The following AKAP19 variants were observed in gnomAD, a reference collection of about 807,000 sequenced individuals.
AKAP19 encodes the protein small A-kinase anchoring protein.
the AKAP19 span, among the ~76,000 whole-genome samples, chr2:189,996,101 C>T: frequency 2.0e-5 from 3 of 152,190 alleles, no homozygotes; most frequent in East Asian, 1.9e-4. Flanking sequence ...ACTGAATTTC[C>T]GAGATGTTCT....
chr2:189,898,754 T>C, the AKAP19 span, among the ~76,000 whole-genome samples: 2 of 152,180 alleles, frequency 1.3e-5, no homozygotes, highest in Non-Finnish European at 2.9e-5. Context: ...TCTAATCACT[T>C]CTGGCCTCAG....
At chr2:190,092,279 T>C in the AKAP19 span, among the ~76,000 whole-genome samples, 1 of 152,198 alleles carries the variant, frequency 6.6e-6, no homozygotes, top group African/African-American at 2.4e-5. Flanking sequence ...GTTTATTGAT[T>C]GTTCCTTGTG....
chr2:190,032,156 T>G, the AKAP19 span, among the ~76,000 whole-genome samples: 1 of 152,172 alleles, frequency 6.6e-6, no homozygotes, highest in South Asian at 2.1e-4. Flanking sequence ...GTTAAGGAGG[T>G]CTTAAAAAGT....
At chr2:190,071,486 A>G in the AKAP19 span, among the ~76,000 whole-genome samples, 1 of 152,218 alleles carries the variant, frequency 6.6e-6, no homozygotes, top group Non-Finnish European at 1.5e-5. Context: ...GCCAAGGAGC[A>G]ATAGGCTATA....
At chr2:190,137,442 A>G in the AKAP19 span, among the ~76,000 whole-genome samples, 1 of 152,210 alleles carries the variant, frequency 6.6e-6, no homozygotes, top group Non-Finnish European at 1.5e-5. Flanking sequence ...TGGTCCCTGG[A>G]TAACATTTAT....
chr2:190,147,766 G>A, the AKAP19 span, among the ~76,000 whole-genome samples: 3 of 150,862 alleles, frequency 2.0e-5, no homozygotes, highest in Non-Finnish European at 4.4e-5. Flanking sequence ...GTTGTTGTTG[G>A]AGCTATTGTA....
chr2:190,061,760 CAG>C, the AKAP19 span, among the ~76,000 whole-genome samples: 5 of 150,796 alleles, frequency 3.3e-5, no homozygotes, highest in African/African-American at 1.2e-4. Context: ...TTTCAAATAA[CAG>C]AAATCACTTG....
At chr2:190,088,007 T>G in the AKAP19 span, among the ~76,000 whole-genome samples, 2 of 152,166 alleles carry the variant, frequency 1.3e-5, no homozygotes, top group Admixed American at 1.3e-4. Flanking sequence ...CCTGGCTACC[T>G]GCTTGAATAA....
chr2:190,017,409 CT>C, the AKAP19 span, among the ~76,000 whole-genome samples: 1 of 151,912 alleles, frequency 6.6e-6, no homozygotes, highest in African/African-American at 2.4e-5. Context: ...TTAATCTTTT[CT>C]ATTTATTTTT....
the AKAP19 span, among the ~76,000 whole-genome samples, chr2:190,184,902 T>C: frequency 3.9e-5 from 6 of 152,064 alleles, no homozygotes; most frequent in Admixed American, 3.9e-4. Context: ...GTACCTCTCT[T>C]CCCCCAAGAC....
chr2:189,884,366 C>T, the AKAP19 span, among the ~76,000 whole-genome samples: 2 of 152,046 alleles, frequency 1.3e-5, no homozygotes, highest in African/African-American at 4.8e-5. Context: ...AAAAAAAATT[C>T]TACATTTTTA....
At chr2:189,942,215 T>C in the AKAP19 span, among the ~76,000 whole-genome samples, 12 of 152,266 alleles carry the variant, frequency 7.9e-5, no homozygotes, top group East Asian at 7.7e-4. Context: ...ACTGTTTTCA[T>C]GCTAGTGAGT....
chr2:190,066,319 A>G, the AKAP19 span, among the ~76,000 whole-genome samples: 3 of 152,206 alleles, frequency 2.0e-5, no homozygotes, highest in Non-Finnish European at 4.4e-5. Flanking sequence ...TCCAAAAAAA[A>G]ATTACGGTTT....
the AKAP19 span, among the ~76,000 whole-genome samples, chr2:189,949,282 G>A: frequency 3.9e-5 from 6 of 152,084 alleles, no homozygotes. Context: ...AGCCGGGCGC[G>A]ATGGCTCACA....
the AKAP19 span, among the ~76,000 whole-genome samples, chr2:190,147,281 G>C: frequency 0.38 from 57,225 of 151,982 alleles, 12,588 homozygotes; most frequent in East Asian, 0.76. Flanking sequence ...TTATGTTTTT[G>C]TTTGCTTTGT....
At chr2:190,013,032 G>A in the AKAP19 span, among the ~76,000 whole-genome samples, 1 of 151,972 alleles carries the variant, frequency 6.6e-6, no homozygotes, top group Non-Finnish European at 1.5e-5. Flanking sequence ...GAGGATTTTT[G>A]TATTTATATT....
the AKAP19 span, among the ~76,000 whole-genome samples, chr2:189,951,165 GA>G: frequency 1.4e-5 from 2 of 142,586 alleles, no homozygotes; most frequent in Non-Finnish European, 3.0e-5. Context: ...TTCAATAGAA[GA>G]AACCTTAGTT....
At chr2:190,033,272 C>G in the AKAP19 span, among the ~76,000 whole-genome samples, 1 of 152,110 alleles carries the variant, frequency 6.6e-6, no homozygotes, top group African/African-American at 2.4e-5. Context: ...GTGCTGCTTA[C>G]AGATGACAGG....
chr2:189,903,176 T>C, the AKAP19 span, among the ~76,000 whole-genome samples: 142,009 of 151,896 alleles, frequency 0.93, 66,532 homozygotes, highest in East Asian at 0.98. Context: ...TTTTTCTGAA[T>C]AATTTTTCTT....
Sources: allele counts gnomAD v4.1 joint callset (sites outside exome capture counted in the v4.1 genomes callset), GRCh38; gene constraint gnomAD v4.1.1; transcripts MANE v1.5; gene names NCBI Gene and HGNC (gene_info 2026-07-23, HGNC 2026-07-21).